Variants in ILRUN observed in about 807,000 individuals in gnomAD.
The protein encoded by ILRUN is protein ILRUN.
A neutral mutation model predicts 33.8 loss-of-function variants in ILRUN; 3 were observed. The ratio of observed to expected loss-of-function variants is 0.09; its 90% CI spans 0.04 to 0.23. The LOEUF is 0.23. Among genes scored for constraint, ILRUN ranks in the 10% least tolerant of loss-of-function variants. The pLI, the probability that ILRUN is intolerant of heterozygous loss-of-function variation, is 1.00. For missense variants in ILRUN, 210 were observed against 375.1 expected (o/e 0.56, Z 3.64); for synonymous variants, 124 against 138.9 (o/e 0.89, Z 0.75).
Position 34,650,405 on chromosome 6 carries a change from A to AT in ILRUN, c.314-3608dup, listed in dbSNP as rs1034056954. Among the ~76,000 whole-genome samples the AT allele has an allele frequency of 1.7e-3, 232 of 135,178 alleles. 1 individual carries two copies. Among genetic ancestry groups the AT allele is most frequent in the African/African-American group, 6.3e-3 (226 of 35,902 alleles). The allele number at this position is 135,178 out of a possible 152,430, so 88.7% of individuals were successfully genotyped here. ...ATTAGGAGCTTAATTTTATTTATTT[A>AT]TTTTTATTTATTTATTTATTTATTT... On this transcript the variant is annotated intron_variant, in intron 2 of 4. Coordinates refer to ENST00000374023, the MANE Select transcript of ILRUN (RefSeq NM_024294.4).
chr6:34,602,634 C>T (rs530845655), intron 4 of ILRUN, among the ~76,000 whole-genome samples: 4 of 152,210 alleles, frequency 2.6e-5, no homozygotes, highest in Non-Finnish European at 5.9e-5. Flanking sequence ...ACTTTCTAGC[C>T]TTCACCAGTA....
Position 34,587,731 on chromosome 6 carries a change from A to T in ILRUN, c.*2834T>A, listed in dbSNP as rs1761221810. The T allele has an allele frequency of 4.5e-6, 1 of 220,718 alleles. No individual in the cohort carries two copies. The highest frequency in any genetic ancestry group is 8.9e-6 in the Non-Finnish European group (1 of 112,938). 13.7% of individuals were successfully genotyped at this position (220,718 alleles called of 1,614,324 possible). ...GGAGAGAAGGCTGACTGCTTCTTGT[A>T]GAAAAATGCCCCAAATTCAACTGTC... On this transcript the variant is annotated 3_prime_UTR_variant, in exon 5 of 5. Transcript: ENST00000374023.
In ILRUN at chr6:34,590,541, A is replaced by G; in HGVS notation, c.*24T>C. On this transcript the variant is annotated 3_prime_UTR_variant, in exon 5 of 5. Coordinates refer to ENST00000374023, the MANE Select transcript of ILRUN (RefSeq NM_024294.4). ...AAGTCAGGCCTTCTGTCTTTTGTTA[A>G]TTTTTCTTCTTGCTGACACCCGTTT... 1 of 1,613,772 alleles carries G rather than the reference A, an allele frequency of 6.2e-7. No homozygotes were observed. Among genetic ancestry groups the G allele is most frequent in the Non-Finnish European group, 8.5e-7 (1 of 1,179,810 alleles).
chr6:34,666,666 G>A (rs1426726813), intron 1 of ILRUN, among the ~76,000 whole-genome samples: 1 of 152,206 alleles, frequency 6.6e-6, no homozygotes, highest in Non-Finnish European at 1.5e-5. Flanking sequence ...AGGCCTGAGA[G>A]TTAACAGTCC....
intron 3 of ILRUN, among the ~76,000 whole-genome samples, chr6:34,639,425 A>C (rs1178866029): frequency 6.6e-6 from 1 of 152,184 alleles, no homozygotes; most frequent in Non-Finnish European, 1.5e-5. Context: ...TCTCCTTTGG[A>C]AATCTGGAAG....
Position 34,646,496 on chromosome 6 carries a change from G to C in ILRUN, c.511+105C>G. ...TGCATGAGGTGACTGTTAAAAAGAG[G>C]CCATGCCCTGTTATGCAATTTGACA... On this transcript the variant is annotated intron_variant, in intron 3 of 4. Coordinates refer to ENST00000374023, the MANE Select transcript of ILRUN (RefSeq NM_024294.4). The surrounding 1 kb of genome is among the most constrained non-coding windows in gnomAD (Gnocchi z 4.9). The C allele has an allele frequency of 1.9e-6, 2 of 1,033,560 alleles. No individual in the cohort carries two copies. The highest frequency in any genetic ancestry group is 2.9e-6 in the Non-Finnish European group (2 of 699,354). 64.0% of individuals were successfully genotyped at this position (1,033,560 alleles called of 1,614,324 possible). A position where few individuals can be genotyped will look rare whatever the true frequency, so the allele number is the denominator to read the frequency against.
chr6:34,610,178 GAAAAAGAAA>G (rs1484175383), intron 3 of ILRUN, among the ~76,000 whole-genome samples: 2 of 150,892 alleles, frequency 1.3e-5, no homozygotes, highest in Admixed American at 6.6e-5. Context: ...AAAAGAAAAA[GAAAAAGAAA>G]AAAAAGAAAA....
At chr6:34,638,043 T>C (rs1201654459) in intron 3 of ILRUN, among the ~76,000 whole-genome samples, 2 of 152,066 alleles carry the variant, frequency 1.3e-5, no homozygotes, top group Non-Finnish European at 2.9e-5. Context: ...TGTGCCACCA[T>C]GCCCGGCTAA....
intron 4 of ILRUN, among the ~76,000 whole-genome samples, chr6:34,603,850 G>A (rs1160496928): frequency 6.6e-6 from 1 of 152,080 alleles, no homozygotes; most frequent in Non-Finnish European, 1.5e-5. Flanking sequence ...ACACTGCTCT[G>A]AACAGTGCAC....
chr6:34,627,241 C>T (rs1762154976), intron 3 of ILRUN, among the ~76,000 whole-genome samples: 1 of 152,070 alleles, frequency 6.6e-6, no homozygotes, highest in Non-Finnish European at 1.5e-5. Flanking sequence ...TGGCTCATTT[C>T]TTTTTAGTGC....
intron 1 of ILRUN, chr6:34,687,180 G>A (rs1763538665): frequency 6.6e-6 from 1 of 152,126 alleles, no homozygotes. Flanking sequence ...GGTTGCTCTT[G>A]GTCTTTTGGG....
intron 3 of ILRUN, among the ~76,000 whole-genome samples, chr6:34,610,700 C>T (rs968826407): frequency 6.6e-6 from 1 of 152,144 alleles, no homozygotes; most frequent in African/African-American, 2.4e-5. Flanking sequence ...GGATACTCAA[C>T]CTGTAGTTTT....
Position 34,617,600 on chromosome 6 carries a change from T to A in ILRUN, c.512-10696A>T, listed in dbSNP as rs539395950. Among the ~76,000 whole-genome samples, 19 of 152,282 alleles carry A rather than the reference T, an allele frequency of 1.2e-4. No homozygotes were observed. In the South Asian group the frequency reaches 3.7e-3, roughly 30 times the overall value. The stretch of plus-strand genomic sequence containing the variant: ...CACCTAAAGGGGAAAAGGCTAGAGA[T>A]AGGCTCCAGTTCATCAGCTTCTCAG... On this transcript the variant is annotated intron_variant, in intron 3 of 4. Coordinates refer to ENST00000374023, the MANE Select transcript of ILRUN (RefSeq NM_024294.4).
intron 4 of ILRUN, among the ~76,000 whole-genome samples, chr6:34,591,645 G>A (rs572901043): frequency 1.7e-3 from 266 of 152,080 alleles, no homozygotes; most frequent in Non-Finnish European, 2.1e-3. Flanking sequence ...CACTACAGGC[G>A]CCCGCCAACA....
At chr6:34,614,810 C>T (rs553933130) in intron 3 of ILRUN, among the ~76,000 whole-genome samples, 197 of 152,184 alleles carry the variant, frequency 1.3e-3, no homozygotes, top group Non-Finnish European at 1.3e-3. Context: ...ATATCAAGTA[C>T]CCTTGATAGG....
intron 1 of ILRUN, chr6:34,686,864 G>GAC (rs1763531717): frequency 5.8e-3 from 1 of 172 alleles, no homozygotes; most frequent in African/African-American, 0.1. Context: ...GCTGAGGCAG[G>GAC]AGAATGGCGT....
intron 1 of ILRUN, among the ~76,000 whole-genome samples, chr6:34,688,994 A>C (rs1039350547): frequency 6.6e-6 from 1 of 151,560 alleles, no homozygotes; most frequent in East Asian, 2.0e-4. Flanking sequence ...GAATAGGTAC[A>C]TACATAGAGA....
chr6:34,623,539 A>G (rs1762049854), intron 3 of ILRUN, among the ~76,000 whole-genome samples: 1 of 152,194 alleles, frequency 6.6e-6, no homozygotes, highest in Non-Finnish European at 1.5e-5. Context: ...GCATAATCTG[A>G]GTGGGTAATA....
intron 1 of ILRUN, chr6:34,671,739 G>A (rs1452164452): frequency 6.6e-6 from 1 of 152,196 alleles, no homozygotes; most frequent in Non-Finnish European, 1.5e-5. Context: ...ACAGGGATGG[G>A]GGAAAAAGGC....
Sources: gnomAD v4.1 joint callset for allele counts (sites outside exome capture counted in the v4.1 genomes callset) on GRCh38, gnomAD v4.1.1 for gene constraint, Gnocchi (gnomAD v3.1) non-coding constraint, MANE v1.5 for transcripts, NCBI Gene and HGNC (gene_info 2026-07-23, HGNC 2026-07-21) for gene names.